The following CNTRL variants were observed in gnomAD, a reference collection of about 807,000 sequenced individuals.
CNTRL encodes the protein centriolin, also known as 110 kDa centrosomal protein.
A neutral mutation model predicts 303.7 loss-of-function variants in CNTRL; 233 were observed. The ratio of observed to expected loss-of-function variants is 0.77; its 90% CI spans 0.69 to 0.86. The LOEUF (loss-of-function observed/expected upper bound fraction) is 0.86, where lower values mean the gene tolerates loss of function less well. Ranked by LOEUF, CNTRL falls within the 40% of genes least tolerant of loss-of-function variation. CNTRL has a pLI of 0.00. For synonymous variants in CNTRL, 900 were observed against 922.2 expected, an observed-to-expected ratio of 0.98 and a Z score of 0.44; for missense variants, 2,524 against 2,650.6, an observed-to-expected ratio of 0.95 and a Z score of 1.05.
intron 5 of CNTRL, among the ~76,000 whole-genome samples, chr9:121,096,177 G>T (rs2048883375): frequency 6.6e-6 from 1 of 152,158 alleles, no homozygotes; most frequent in South Asian, 2.1e-4. Context: ...CTATGTTATG[G>T]AGTTGCAAAG....
intron 6 of CNTRL, 58 bp downstream of exon 6, chr9:121,096,621 A>G: frequency 7.7e-7 from 1 of 1,302,324 alleles, no homozygotes; most frequent in Non-Finnish European, 1.0e-6. Flanking sequence ...AAGATTAAAA[A>G]TATCTAAGTT....
chr9:121,176,215 G>T (rs1341693690), intron 43 of CNTRL, among the ~76,000 whole-genome samples: 1 of 152,134 alleles, frequency 6.6e-6, no homozygotes, highest in Non-Finnish European at 1.5e-5. Context: ...TAAATGATTT[G>T]GTCAAGGACA....
chr9:121,075,673 GC>G (rs1795606269), intron 1 of CNTRL, among the ~76,000 whole-genome samples: 3 of 152,182 alleles, frequency 2.0e-5, no homozygotes, highest in Non-Finnish European at 4.4e-5. Flanking sequence ...ATGTGTCTGA[GC>G]CTTCCTGATC....
intron 12 of CNTRL, among the ~76,000 whole-genome samples, chr9:121,121,249 G>A (rs570025831): frequency 3.9e-5 from 6 of 152,262 alleles, no homozygotes; most frequent in Admixed American, 1.3e-4. Flanking sequence ...CCATGTTCTG[G>A]TGAGGAACTT....
intron 23 of CNTRL, among the ~76,000 whole-genome samples, chr9:121,147,997 G>A (rs987411248): frequency 2.0e-5 from 3 of 152,188 alleles, no homozygotes; most frequent in African/African-American, 7.2e-5. Flanking sequence ...CAGAAGACTG[G>A]TGACCCCAGA....
At chr9:121,120,764 G>A (rs1039789077) in intron 12 of CNTRL, among the ~76,000 whole-genome samples, 5 of 152,140 alleles carry the variant, frequency 3.3e-5, no homozygotes, top group Non-Finnish European at 5.9e-5. Context: ...ATGGAAAGGA[G>A]GTAAATGAGA....
At position 121,107,667 on chromosome 9, in the gene CNTRL, A is replaced by G. The variant is rs111522049; in HGVS notation, c.809-135A>G. The G allele has an allele frequency of 3.0e-3, 1,744 of 589,246 alleles. 26 individuals are homozygous for G. In the African/African-American group the frequency reaches 0.03, roughly 10 times the overall value. The allele number at this position is 589,246 out of a possible 1,614,324, so 36.5% of individuals were successfully genotyped here. ...CAGGATAGTCTTTTTTTCCAAAACC[A>G]TGGTGGCTAATTTTAAAAGTAGAAT... On this transcript the variant is annotated intron_variant, in intron 7 of 43. Transcript: ENST00000373855.
rs1396236378 is a variant in CNTRL, at chr9:121,125,868, T to C, written c.1957T>C (p.Leu653=). ...RDEKETLLQR[L]TEVEQERDQL... ...TGAGAAAGAGACATTGTTGCAGAGA[T>C]TGACAGAAGTCGAGCAGGAGAGAGA... Residue 653 remains leucine, a synonymous_variant, in exon 14 of 44, where the codon TTG becomes CTG. Transcript: ENST00000373855. The C allele has an allele frequency of 1.9e-6, 3 of 1,614,046 alleles. No homozygotes were observed. In the African/African-American group the frequency reaches 4.0e-5, roughly 22 times the overall value.
Position 121,153,994 on chromosome 9 carries a change from G to A in CNTRL, c.4173-727G>A, listed in dbSNP as rs1410806791. ...TTTTTTACTTTGAGGTATTTTGGAGGGAGATGATAGGGTGGTAGGATTGCC... is the reference window on the plus strand; with the variant it reads ...TTTTTTACTTTGAGGTATTTTGGAGAGAGATGATAGGGTGGTAGGATTGCC... On this transcript the variant is annotated intron_variant, in intron 26 of 43. Coordinates refer to ENST00000373855, the MANE Select transcript of CNTRL (RefSeq NM_007018.6). Among the ~76,000 whole-genome samples the A allele has an allele frequency of 2.0e-5, 3 of 152,142 alleles. No homozygotes were observed. In the East Asian group the frequency reaches 5.8e-4, roughly 29 times the overall value.
chr9:121,157,108 C>G (rs1352983223), intron 27 of CNTRL, among the ~76,000 whole-genome samples: 1 of 152,130 alleles, frequency 6.6e-6, no homozygotes, highest in Non-Finnish European at 1.5e-5. Context: ...TACACAGTTG[C>G]TCTCACAGTG....
intron 2 of CNTRL, among the ~76,000 whole-genome samples, chr9:121,086,087 C>A (rs1351568937): frequency 1.3e-5 from 2 of 152,032 alleles, no homozygotes; most frequent in African/African-American, 4.8e-5. Flanking sequence ...TGGATAGAGA[C>A]GAATTTCAAA....
intron 27 of CNTRL, 146 bp downstream of exon 27, chr9:121,155,059 A>G (rs2052494036): frequency 1.5e-6 from 1 of 682,900 alleles, no homozygotes; most frequent in African/African-American, 1.8e-5. Context: ...TCTGCTAGTT[A>G]AGAAGATGTG....
rs150380629 is a variant in CNTRL, at chr9:121,092,357, G to A, written c.348+1952G>A. On this transcript the variant is annotated intron_variant, in intron 4 of 43. Coordinates refer to ENST00000373855, the MANE Select transcript of CNTRL (RefSeq NM_007018.6). ...TTGTTGACTAAAAGAATGAGAGTGC[G>A]ACTGAGGAGAGGGTGACTAATTGTG... Among the ~76,000 whole-genome samples, 1,101 of 141,106 alleles carry A rather than the reference G, an allele frequency of 7.8e-3. 20 individuals carry two copies. Among genetic ancestry groups the A allele is most frequent in the African/African-American group, 0.028 (1,045 of 37,850 alleles). The allele number at this position is 141,106 out of a possible 152,430, so 92.6% of individuals were successfully genotyped here.
intron 4 of CNTRL, among the ~76,000 whole-genome samples, chr9:121,091,811 T>C (rs563743235): frequency 2.0e-5 from 3 of 151,372 alleles, no homozygotes; most frequent in African/African-American, 7.3e-5. Context: ...GCCATTGTAC[T>C]CTAGCCTGGG....
Position 121,150,123 on chromosome 9 carries a change from T to C in CNTRL, c.3650-47T>C, listed in dbSNP as rs565590145. ...TTGTTTACCTGGTAAACCATGGGGG[T>C]AAAACACTCTTTTGTTGAATAAACT... On this transcript the variant is annotated intron_variant, in intron 24 of 43. Transcript: ENST00000373855. 14 of 1,492,358 alleles carry C rather than the reference T, an allele frequency of 9.4e-6. No homozygotes were observed. The South Asian group carries it at 1.8e-4, about 20-fold the overall frequency. The allele number at this position is 1,492,358 out of a possible 1,614,324, so 92.4% of individuals were successfully genotyped here. A position where few individuals can be genotyped will look rare whatever the true frequency, so the allele number is the denominator to read the frequency against.
In CNTRL at chr9:121,113,724, G is replaced by GGTTAAAAAAAGTTATTTTAAATTC. The variant is rs1343174670; in HGVS notation, c.1345+1_1345+24dup. 6.7e-7 allele frequency: 1 copy of GGTTAAAAAAAGTTATTTTAAATTC among 1,500,694 alleles called. No individual in the cohort carries two copies. The highest frequency in any genetic ancestry group is 2.4e-5 in the East Asian group (1 of 41,946). The allele number at this position is 1,500,694 out of a possible 1,614,324, so 93.0% of individuals were successfully genotyped here. On this transcript the variant is annotated stop_gained and protein_altering_variant and splice_region_variant. Coordinates refer to ENST00000373855, the MANE Select transcript of CNTRL (RefSeq NM_007018.6). LOFTEE classifies it high-confidence loss of function. ...AGACAAAGAAAAAAAAATAAGTGCA[G>GGTTAAAAAAAGTTATTTTAAATTC]GTTAAAAAAAGTTATTTTAAATTCT...
At chr9:121,167,335 A>G (rs1458758455) in intron 36 of CNTRL, among the ~76,000 whole-genome samples, 154 bp from the exon 37 acceptor site, 1 of 152,082 alleles carries the variant, frequency 6.6e-6, no homozygotes, top group African/African-American at 2.4e-5. Context: ...TTAGACATCT[A>G]AATTCTCTTG....
chr9:121,164,032 T>G (rs564558339), intron 34 of CNTRL, among the ~76,000 whole-genome samples: 5 of 152,100 alleles, frequency 3.3e-5, no homozygotes, highest in African/African-American at 9.6e-5. Context: ...GCCTGGCTAA[T>G]TTTTTGTATT....
At chr9:121,110,160 C>A (rs115387941) in intron 8 of CNTRL, among the ~76,000 whole-genome samples, 1 of 152,234 alleles carries the variant, frequency 6.6e-6, no homozygotes, top group African/African-American at 2.4e-5. Context: ...CCGTAGTAGT[C>A]CTGTCCTGCC....
Sources: gnomAD v4.1 joint callset for allele counts (sites outside exome capture counted in the v4.1 genomes callset) on GRCh38, gnomAD v4.1.1 for gene constraint, MANE v1.5 for transcripts, NCBI Gene and HGNC (gene_info 2026-07-23, HGNC 2026-07-21) for gene names.